Variants in CNTNAP2 observed in about 807,000 individuals in gnomAD.
CNTNAP2 encodes contactin-associated protein-like 2.
In CNTNAP2, 98 loss-of-function variants were observed where a neutral mutation model predicts 155.2. The ratio of observed to expected loss-of-function variants is 0.63; its 90% confidence interval spans 0.54 to 0.75. The LOEUF (loss-of-function observed/expected upper bound fraction) is 0.75. CNTNAP2 is among the 30% of genes least tolerant of loss of function. The pLI, the probability that CNTNAP2 is intolerant of heterozygous loss-of-function variation, is 0.00. For synonymous variants in CNTNAP2, 651 were observed against 631.2 expected (o/e 1.03, Z -0.47); for missense variants, 1,727 against 1,688.1 (o/e 1.02, Z -0.40).
intron 10 of CNTNAP2, among the ~76,000 whole-genome samples, chr7:147,428,085 C>T (rs911906526): frequency 2.0e-5 from 3 of 152,102 alleles, no homozygotes; most frequent in South Asian, 2.1e-4. Context: ...TTAGTTGGCT[C>T]ATATTAAAAG....
intron 8 of CNTNAP2, among the ~76,000 whole-genome samples, chr7:147,192,662 C>A (rs1009614285): frequency 1.3e-5 from 2 of 152,158 alleles, no homozygotes; most frequent in Admixed American, 6.5e-5. Context: ...TTCCCTTCTA[C>A]TTTCCTTCTT....
chr7:147,608,039 GTGGCATAAAATT>G lies in CNTNAP2; in HGVS notation c.1898-31064_1898-31053del, dbSNP rs1414248472. ...GTGTATCTTCTTCCCACTAGCTTTG[GTGGCATAAAATT>G]TGTTATTCATCTTCACGTGCTTAAG... On this transcript the variant is annotated intron_variant, in intron 12 of 23. Coordinates refer to ENST00000361727, the MANE Select transcript of CNTNAP2 (RefSeq NM_014141.6). 3.9e-5 allele frequency among the ~76,000 whole-genome samples: 6 copies of G among 152,102 alleles called. No individual in the cohort carries two copies. In the East Asian group the frequency reaches 1.2e-3, roughly 29 times the overall value.
intron 21 of CNTNAP2, among the ~76,000 whole-genome samples, chr7:148,283,416 A>T (rs1797024491): frequency 6.6e-6 from 1 of 152,108 alleles, no homozygotes; most frequent in Non-Finnish European, 1.5e-5. Flanking sequence ...GTTGATCATT[A>T]TTATTATACA....
At position 147,645,931 on chromosome 7, in the gene CNTNAP2, G is replaced by A. The variant is rs141029630; in HGVS notation, c.2098+6625G>A. On this transcript the variant is annotated intron_variant, in intron 13 of 23. Coordinates refer to ENST00000361727, the MANE Select transcript of CNTNAP2 (RefSeq NM_014141.6). ...TGGGAGAGGCAGAAAAATGGAAACC[G>A]GAAATTAATTCAGAGTCTCTACCTA... is the stretch of plus-strand genomic sequence containing the variant. Among the ~76,000 whole-genome samples, 596 of 152,238 alleles carry A rather than the reference G, an allele frequency of 3.9e-3. 2 individuals carry two copies. Among genetic ancestry groups the A allele is most frequent in the Non-Finnish European group, 6.2e-3 (420 of 68,006 alleles).
intron 1 of CNTNAP2, among the ~76,000 whole-genome samples, chr7:146,554,870 C>T (rs1019125811): frequency 6.6e-6 from 1 of 152,226 alleles, no homozygotes; most frequent in Non-Finnish European, 1.5e-5. Flanking sequence ...GGGGAAATTG[C>T]ACATATATAG....
At chr7:146,164,273 A>G (rs1798277956) in intron 1 of CNTNAP2, among the ~76,000 whole-genome samples, 1 of 151,634 alleles carries the variant, frequency 6.6e-6, no homozygotes. Flanking sequence ...ACTAAAAAAC[A>G]GAATCTTAAG....
chr7:146,158,017 G>A lies in CNTNAP2; in HGVS notation c.97+41044G>A, dbSNP rs376768654. 3.3e-5 allele frequency among the ~76,000 whole-genome samples: 5 copies of A among 152,160 alleles called. No homozygotes were observed. In the East Asian group the frequency reaches 5.8e-4, roughly 18 times the overall value. ...GCCAACTGACACCTCATACAGCCGGGTGCCCCTCTGAGTCGAAACTTCCAG... is the reference window on the plus strand; with the variant it reads ...GCCAACTGACACCTCATACAGCCGGATGCCCCTCTGAGTCGAAACTTCCAG... On this transcript the variant is annotated intron_variant, in intron 1 of 23. Transcript: ENST00000361727.
chr7:146,125,314 C>T (rs1469401480), intron 1 of CNTNAP2, among the ~76,000 whole-genome samples: 3 of 152,114 alleles, frequency 2.0e-5, no homozygotes, highest in African/African-American at 7.2e-5. Flanking sequence ...CGGTGGCTCA[C>T]GCCTGTAATC....
At position 148,125,655 on chromosome 7, in the gene CNTNAP2, CTGTGTG is replaced by C. The variant is rs763817928; in HGVS notation, c.2554+7397_2554+7402del. Among the ~76,000 whole-genome samples, 187 of 136,366 alleles carry C rather than the reference CTGTGTG, an allele frequency of 1.4e-3. 1 individual carries two copies. The highest frequency in any genetic ancestry group is 7.5e-3 in the Middle Eastern group (2 of 268). 89.5% of individuals were successfully genotyped at this position (136,366 alleles called of 152,430 possible). ...ACTAGTAATCTCTGTTATTATAAAA[CTGTGTG>C]TGTGTGTGTGTGTGTGTGTGTGTGT... is the stretch of plus-strand genomic sequence containing the variant. On this transcript the variant is annotated intron_variant, in intron 16 of 23. Transcript: ENST00000361727.
chr7:147,855,170 G>T (rs1016363726), intron 13 of CNTNAP2, among the ~76,000 whole-genome samples: 8 of 152,052 alleles, frequency 5.3e-5, no homozygotes, highest in African/African-American at 1.9e-4. Flanking sequence ...TCACCCTCTA[G>T]TTGGTGTGTA....
chr7:146,353,891 T>C (rs1174189706), intron 1 of CNTNAP2, among the ~76,000 whole-genome samples: 1 of 152,172 alleles, frequency 6.6e-6, no homozygotes, highest in African/African-American at 2.4e-5. Flanking sequence ...TAAATTGATT[T>C]ACAATTTAAG....
At chr7:146,622,684 C>T (rs1799348151) in intron 1 of CNTNAP2, among the ~76,000 whole-genome samples, 1 of 152,062 alleles carries the variant, frequency 6.6e-6, no homozygotes, top group Admixed American at 6.5e-5. Flanking sequence ...AGGCTGGGCG[C>T]AGTGGCTCAT....
intron 1 of CNTNAP2, among the ~76,000 whole-genome samples, chr7:146,761,274 T>A (rs1365282628): frequency 6.8e-6 from 1 of 147,286 alleles, no homozygotes; most frequent in Non-Finnish European, 1.5e-5. Context: ...TTACTAATTG[T>A]CATAATTGCT....
intron 21 of CNTNAP2, among the ~76,000 whole-genome samples, chr7:148,272,564 A>G (rs889696108): frequency 1.3e-5 from 2 of 152,206 alleles, no homozygotes; most frequent in Non-Finnish European, 2.9e-5. Context: ...TTTCAAAACC[A>G]TCTTGACAGG....
intron 1 of CNTNAP2, among the ~76,000 whole-genome samples, chr7:146,761,604 G>C (rs955221450): frequency 5.9e-5 from 9 of 151,860 alleles, no homozygotes; most frequent in Non-Finnish European, 1.3e-4. Context: ...TATTGACTCT[G>C]TTGCCTGGAG....
intron 2 of CNTNAP2, among the ~76,000 whole-genome samples, chr7:146,828,777 C>T (rs1218980882): frequency 6.6e-6 from 1 of 152,046 alleles, no homozygotes; most frequent in Non-Finnish European, 1.5e-5. Flanking sequence ...ATGTTCTAAT[C>T]AGACCTAATT....
At chr7:146,376,076 G>A (rs1405398079) in intron 1 of CNTNAP2, among the ~76,000 whole-genome samples, 1 of 152,102 alleles carries the variant, frequency 6.6e-6, no homozygotes, top group Non-Finnish European at 1.5e-5. Context: ...CCTCTCCCCA[G>A]TAAGATAGGG....
intron 1 of CNTNAP2, chr7:146,208,550 C>T (rs1798984913): frequency 6.6e-6 from 1 of 151,612 alleles, no homozygotes; most frequent in African/African-American, 2.4e-5. Context: ...CAGAACCACA[C>T]TCATATAATG....
At chr7:148,117,982 A>G in intron 15 of CNTNAP2, 136 bp from the exon 16 acceptor site, 1 of 977,854 alleles carries the variant, frequency 1.0e-6, no homozygotes, top group Non-Finnish European at 1.6e-6. Flanking sequence ...GATTTGGTCC[A>G]ATGTTGTTCA....
Sources: allele counts gnomAD v4.1 joint callset (sites outside exome capture counted in the v4.1 genomes callset), GRCh38; gene constraint gnomAD v4.1.1; transcripts MANE v1.5; gene names NCBI Gene and HGNC (gene_info 2026-07-23, HGNC 2026-07-21).